The following DCP1A variants were observed in gnomAD, a reference collection of about 807,000 sequenced individuals.
The protein encoded by DCP1A is mRNA-decapping enzyme 1A.
In DCP1A, 20 loss-of-function variants were observed where a neutral mutation model predicts 58.0. The observed-to-expected ratio is 0.34, with a 90% confidence interval of 0.24 to 0.50. The LOEUF (loss-of-function observed/expected upper bound fraction) is 0.50. Among genes scored for constraint, DCP1A ranks in the 20% least tolerant of loss-of-function variants. DCP1A has a pLI of 0.98. For missense variants in DCP1A, 613 were observed against 712.2 expected (o/e 0.86, Z 1.59); for synonymous variants, 285 against 275.1 (o/e 1.04, Z -0.36).
At chr3:53,290,974 G>A (rs539706279) in intron 7 of DCP1A, 118 bp from the exon 8 acceptor site, 3 of 878,112 alleles carry the variant, frequency 3.4e-6, no homozygotes, top group Non-Finnish European at 5.4e-6. Flanking sequence ...ACAGAAAATG[G>A]TTCAGATATT....
intron 6 of DCP1A, among the ~76,000 whole-genome samples, chr3:53,299,583 C>G (rs1366832615): frequency 6.6e-6 from 1 of 152,170 alleles, no homozygotes; most frequent in Non-Finnish European, 1.5e-5. Flanking sequence ...AAGATAGGCA[C>G]TATTCTTGAA....
rs552668924 is a variant in DCP1A, at chr3:53,287,968, T to C, written c.1668+97A>G. ...CTTTGCCTGGCCTCCAGCTAGTCTT[T>C]TGAATTTACTTTATGAACTGATTCT... is the stretch of plus-strand genomic sequence containing the variant. On this transcript the variant is annotated intron_variant, in intron 9 of 9. Coordinates refer to ENST00000610213, the MANE Select transcript of DCP1A (RefSeq NM_018403.7). 18 of 1,265,898 alleles carry C rather than the reference T, an allele frequency of 1.4e-5. 1 individual carries two copies. Among genetic ancestry groups the C allele is most frequent in the Admixed American group, 9.3e-5 (4 of 43,110 alleles). The allele number at this position is 1,265,898 out of a possible 1,614,324, so 78.4% of individuals were successfully genotyped here.
intron 3 of DCP1A, among the ~76,000 whole-genome samples, chr3:53,332,789 C>T (rs551017245): frequency 1.2e-3 from 178 of 151,560 alleles, no homozygotes; most frequent in African/African-American, 4.2e-3. Context: ...GGCGTGAACC[C>T]GGGTCGTGGA....
At chr3:53,333,424 G>GT (rs1313632122) in intron 3 of DCP1A, among the ~76,000 whole-genome samples, 1 of 151,994 alleles carries the variant, frequency 6.6e-6, no homozygotes, top group Admixed American at 6.6e-5. Flanking sequence ...GATTATAGGC[G>GT]TGAGCCACTG....
chr3:53,300,948 T>A (rs1334510485), intron 6 of DCP1A, among the ~76,000 whole-genome samples: 2 of 152,172 alleles, frequency 1.3e-5, no homozygotes, highest in Admixed American at 1.3e-4. Flanking sequence ...ATGCCTGACC[T>A]TATAATTCTT....
chr3:53,330,254 C>T (rs1418418159), intron 3 of DCP1A, among the ~76,000 whole-genome samples: 1 of 152,072 alleles, frequency 6.6e-6, no homozygotes, highest in Admixed American at 6.6e-5. Context: ...CCTGACCCAG[C>T]GGGGTGCAGT....
At chr3:53,290,538 G>A in intron 8 of DCP1A, 2 of 606,230 alleles carry the variant, frequency 3.3e-6, no homozygotes, top group Non-Finnish European at 2.9e-6. Flanking sequence ...CATCTAAGAT[G>A]TGCTGGGCTC....
At chr3:53,335,829 TA>T (rs1553691842) in intron 3 of DCP1A, among the ~76,000 whole-genome samples, 1 of 152,180 alleles carries the variant, frequency 6.6e-6, no homozygotes, top group Non-Finnish European at 1.5e-5. Flanking sequence ...AATTCTTTTT[TA>T]TTCTTTTATT....
intron 2 of DCP1A, among the ~76,000 whole-genome samples, chr3:53,342,904 A>T (rs955930658): frequency 6.6e-6 from 1 of 152,206 alleles, no homozygotes; most frequent in Non-Finnish European, 1.5e-5. Flanking sequence ...ATGAAATATC[A>T]TTCAATTGGA....
rs144668652 is a variant in DCP1A, at chr3:53,291,001, C to T, written c.1384-145G>A. 1,326 of 734,266 alleles carry T rather than the reference C, an allele frequency of 1.8e-3. 5 individuals are homozygous for T. Among genetic ancestry groups the T allele is most frequent in the Non-Finnish European group, 2.6e-3 (1,119 of 433,646 alleles). The allele number at this position is 734,266 out of a possible 1,614,324, so 45.5% of individuals were successfully genotyped here. On this transcript the variant is annotated intron_variant, in intron 7 of 9. Transcript: ENST00000610213. The stretch of plus-strand genomic sequence containing the variant: ...TCAGATATTAACTAGTTCCTAGATT[C>T]CCAAGGGAAGAGTCTGACAGGAACC...
chr3:53,306,129 C>G (rs952711790), intron 5 of DCP1A, among the ~76,000 whole-genome samples: 4 of 152,282 alleles, frequency 2.6e-5, no homozygotes, highest in Non-Finnish European at 5.9e-5. Context: ...TAATGCTTAT[C>G]ACAGGAGTAG....
At chr3:53,296,311 G>A (rs1409692943) in intron 6 of DCP1A, among the ~76,000 whole-genome samples, 3 of 152,198 alleles carry the variant, frequency 2.0e-5, no homozygotes, top group African/African-American at 7.2e-5. Flanking sequence ...GATAACCAAG[G>A]CTAGGCTATT....
intron 2 of DCP1A, 66 bp downstream of exon 2, chr3:53,344,836 T>C (rs966441930): frequency 3.1e-5 from 38 of 1,223,928 alleles, no homozygotes; most frequent in African/African-American, 6.1e-5. Flanking sequence ...TACAAGAGAA[T>C]TGAACCGTTT....
chr3:53,305,793 AG>A (rs1237390416), intron 5 of DCP1A, among the ~76,000 whole-genome samples: 1 of 152,152 alleles, frequency 6.6e-6, no homozygotes, highest in African/African-American at 2.4e-5. Context: ...AGATGTTATT[AG>A]GTTAGGTTTT....
chr3:53,346,472 T>C (rs1559711481), intron 1 of DCP1A, among the ~76,000 whole-genome samples: 1 of 152,226 alleles, frequency 6.6e-6, no homozygotes, highest in African/African-American at 2.4e-5. Flanking sequence ...CAGTCATTGG[T>C]GAATTCAATC....
At position 53,284,267 on chromosome 3, in the gene DCP1A, G is replaced by A. The variant is rs1176249576; in HGVS notation, c.*3313C>T. On this transcript the variant is annotated 3_prime_UTR_variant, in exon 10 of 10. Coordinates refer to ENST00000610213, the MANE Select transcript of DCP1A (RefSeq NM_018403.7). ...AGCAGTTAGGCACCTTCAATTTCAT[G>A]TTGCATTATTAGTAATACAATGGCA... 1 of 152,110 alleles carries A rather than the reference G, an allele frequency of 6.6e-6. No homozygotes were observed. 9.4% of individuals were successfully genotyped at this position (152,110 alleles called of 1,614,324 possible). A position where few individuals can be genotyped will look rare whatever the true frequency, so the allele number is the denominator to read the frequency against.
intron 6 of DCP1A, among the ~76,000 whole-genome samples, chr3:53,294,374 C>A (rs139841473): frequency 1.9e-3 from 291 of 152,106 alleles, no homozygotes; most frequent in African/African-American, 6.7e-3. Context: ...CTAGAGGACA[C>A]CCTGGTATCT....
intron 3 of DCP1A, among the ~76,000 whole-genome samples, chr3:53,331,886 G>A (rs1370239272): frequency 6.6e-6 from 1 of 152,262 alleles, no homozygotes; most frequent in Non-Finnish European, 1.5e-5. Context: ...TCTTCTAAGA[G>A]AAGTATTACT....
intron 8 of DCP1A, 162 bp downstream of exon 8, chr3:53,290,629 G>C: frequency 1.5e-6 from 1 of 681,712 alleles, no homozygotes; most frequent in Non-Finnish European, 2.6e-6. Flanking sequence ...TCTTCAGAAA[G>C]AGGGAGTCCT....
Sources: allele counts gnomAD v4.1 joint callset (sites outside exome capture counted in the v4.1 genomes callset), GRCh38; gene constraint gnomAD v4.1.1; transcripts MANE v1.5; gene names NCBI Gene and HGNC (gene_info 2026-07-23, HGNC 2026-07-21).